MERTK: variants seen among roughly 807,000 people sequenced by gnomAD.
MERTK encodes MER proto-oncogene, tyrosine kinase, also known as tyrosine-protein kinase Mer.
Under a neutral mutation model 99.3 loss-of-function variants are expected in MERTK, and 69 were observed. The ratio of observed to expected loss-of-function variants is 0.70; its 90% CI spans 0.57 to 0.85. MERTK has a LOEUF of 0.85. Among genes scored for constraint, MERTK ranks in the 40% least tolerant of loss-of-function variants. The pLI, the probability that MERTK is intolerant of heterozygous loss-of-function variation, is 0.00. For missense variants in MERTK, 1,125 were observed against 1,249.4 expected (o/e 0.90, Z 1.50); for synonymous variants, 426 against 467.6 (o/e 0.91, Z 1.15).
intron 1 of MERTK, 69 bp from the exon 2 acceptor site, chr2:111,929,051 G>A: frequency 6.4e-7 from 1 of 1,571,850 alleles, no homozygotes; most frequent in South Asian, 1.1e-5. Flanking sequence ...CTTGGCCTAA[G>A]AAGTTGGGAA....
At chr2:111,905,777 A>G (rs1282352916) in intron 1 of MERTK, among the ~76,000 whole-genome samples, 1 of 152,080 alleles carries the variant, frequency 6.6e-6, no homozygotes, top group Non-Finnish European at 1.5e-5. Flanking sequence ...CCAGAAACCT[A>G]CACTCAATTC....
intron 8 of MERTK, among the ~76,000 whole-genome samples, chr2:111,989,554 A>C (rs1676566701): frequency 6.6e-6 from 1 of 152,026 alleles, no homozygotes; most frequent in Non-Finnish European, 1.5e-5. Context: ...ACAGGGTTTC[A>C]CCGTGTTAGC....
intron 14 of MERTK, among the ~76,000 whole-genome samples, chr2:112,009,412 G>A (rs1677048890): frequency 6.6e-6 from 1 of 152,146 alleles, no homozygotes; most frequent in Admixed American, 6.5e-5. Flanking sequence ...TTGCAAAACT[G>A]TTAAAATTTA....
chr2:111,989,281 G>C lies in MERTK; in HGVS notation c.1297-4970G>C, dbSNP rs551267371. 8.5e-4 allele frequency among the ~76,000 whole-genome samples: 130 copies of C among 152,144 alleles called. 1 individual carries two copies. The highest frequency in any genetic ancestry group is 2.8e-3 in the African/African-American group (117 of 41,516). ...CGAGTCACCTTTGTTGTTGTCATGA[G>C]ACAGAAACTTTTATCTCATTGAGGT... On this transcript the variant is annotated intron_variant, in intron 8 of 18. Coordinates refer to ENST00000295408, the MANE Select transcript of MERTK (RefSeq NM_006343.3).
At chr2:111,986,607 T>A (rs1461546920) in intron 8 of MERTK, among the ~76,000 whole-genome samples, 2 of 152,214 alleles carry the variant, frequency 1.3e-5, no homozygotes, top group Non-Finnish European at 2.9e-5. Flanking sequence ...TGAATGACTG[T>A]GGCTGGAGAG....
chr2:111,917,581 T>G (rs936435437), intron 1 of MERTK, among the ~76,000 whole-genome samples: 1 of 152,162 alleles, frequency 6.6e-6, no homozygotes, highest in African/African-American at 2.4e-5. Flanking sequence ...TTGTCTTGTT[T>G]TTTAAAATTA....
intron 4 of MERTK, among the ~76,000 whole-genome samples, chr2:111,954,663 C>T (rs777407821): frequency 2.0e-5 from 3 of 152,160 alleles, no homozygotes; most frequent in Non-Finnish European, 4.4e-5. Context: ...TACATTTAAA[C>T]TCTTATCTCT....
At chr2:112,020,806 A>G (rs1256707495) in intron 16 of MERTK, among the ~76,000 whole-genome samples, 1 of 151,934 alleles carries the variant, frequency 6.6e-6, no homozygotes, top group Non-Finnish European at 1.5e-5. Flanking sequence ...TGCTCCTGCT[A>G]TGCTGCGTCT....
At chr2:111,902,227 GA>G (rs1457397870) in intron 1 of MERTK, among the ~76,000 whole-genome samples, 1 of 152,198 alleles carries the variant, frequency 6.6e-6, no homozygotes, top group African/African-American at 2.4e-5. Flanking sequence ...ATAATTTCCA[GA>G]TAATTGTAGA....
intron 5 of MERTK, among the ~76,000 whole-genome samples, chr2:111,967,846 C>A (rs1409894926): frequency 6.6e-6 from 1 of 152,202 alleles, no homozygotes; most frequent in African/African-American, 2.4e-5. Flanking sequence ...CAGTAAAGGA[C>A]ATGAGTATTT....
chr2:111,952,594 G>A (rs1685078743), intron 4 of MERTK: 1 of 152,238 alleles, frequency 6.6e-6, no homozygotes, highest in Non-Finnish European at 1.5e-5. Flanking sequence ...TGCACGGGGT[G>A]GTGGAACCGA....
intron 1 of MERTK, among the ~76,000 whole-genome samples, chr2:111,910,151 G>A (rs1425860084): frequency 6.6e-6 from 1 of 152,186 alleles, no homozygotes; most frequent in East Asian, 1.9e-4. Flanking sequence ...TATGGTCATA[G>A]CTGCTCAGCA....
At chr2:111,949,215 A>G (rs991266625) in intron 4 of MERTK, among the ~76,000 whole-genome samples, 1 of 151,974 alleles carries the variant, frequency 6.6e-6, no homozygotes, top group African/African-American at 2.4e-5. Flanking sequence ...CACCGTCTAT[A>G]ATTACCCAGT....
rs556472813 is a variant in MERTK at position 111,992,542 on chromosome 2, A to G, written c.1297-1709A>G. The stretch of plus-strand genomic sequence containing the variant: ...CTGAGGCAGGTGGATCGCCAGGTCA[A>G]GAGATCGAGACCATCATGGCCAACA... On this transcript the variant is annotated intron_variant, in intron 8 of 18. Coordinates refer to ENST00000295408, the MANE Select transcript of MERTK (RefSeq NM_006343.3). Among the ~76,000 whole-genome samples, 7 of 152,144 alleles carry G rather than the reference A, an allele frequency of 4.6e-5. No individual in the cohort carries two copies. The East Asian group carries it at 1.4e-3, about 29-fold the overall frequency.
chr2:111,932,441 A>G (rs1684690860), intron 2 of MERTK, among the ~76,000 whole-genome samples: 1 of 152,200 alleles, frequency 6.6e-6, no homozygotes, highest in Non-Finnish European at 1.5e-5. Context: ...TCAGCCTCCC[A>G]AAGTGCTGGG....
At chr2:112,021,152 A>G (rs1399717083) in intron 16 of MERTK, among the ~76,000 whole-genome samples, 4 of 151,884 alleles carry the variant, frequency 2.6e-5, no homozygotes, top group African/African-American at 9.7e-5. Flanking sequence ...GTGAGCCGAG[A>G]TCATGCCACT....
chr2:111,979,688 A>G (rs1294923317), intron 7 of MERTK, among the ~76,000 whole-genome samples: 1 of 151,576 alleles, frequency 6.6e-6, no homozygotes. Context: ...GATTTACTTG[A>G]TTTATCTTCC....
intron 15 of MERTK, among the ~76,000 whole-genome samples, chr2:112,010,787 C>T (rs187933659): frequency 1.3e-5 from 2 of 152,292 alleles, no homozygotes; most frequent in African/African-American, 2.4e-5. Flanking sequence ...TGTGGACAAA[C>T]GGTAGACTGC....
chr2:111,955,458 G>A (rs568134314), intron 4 of MERTK, among the ~76,000 whole-genome samples: 2 of 152,044 alleles, frequency 1.3e-5, no homozygotes, highest in South Asian at 2.1e-4. Context: ...TCTATAAGGG[G>A]GTAGAAGAGG....
Sources: gnomAD v4.1 joint callset for allele counts (sites outside exome capture counted in the v4.1 genomes callset) on GRCh38, gnomAD v4.1.1 for gene constraint, MANE v1.5 for transcripts, NCBI Gene and HGNC (gene_info 2026-07-23, HGNC 2026-07-21) for gene names.